FGF14: variants seen among roughly 807,000 people sequenced by gnomAD.
The protein encoded by FGF14 is fibroblast growth factor homologous factor 4.
In FGF14, 5 loss-of-function variants were observed where a neutral mutation model predicts 25.5. That is an observed-to-expected ratio of 0.20 (90% CI 0.10 to 0.41). The LOEUF is 0.41. Ranked by LOEUF, FGF14 falls within the 10% of genes least tolerant of loss-of-function variation. FGF14 has a pLI of 1.00. For synonymous variants in FGF14, 138 were observed against 118.3 expected (o/e 1.17, Z -1.08); for missense variants, 222 against 320.1 (o/e 0.69, Z 2.34).
At position 102,049,735 on chromosome 13, in the gene FGF14, A is replaced by G. The variant is rs536607163; in HGVS notation, c.209-174439T>C. 2.6e-5 allele frequency among the ~76,000 whole-genome samples: 4 copies of G among 152,212 alleles called. No homozygotes were observed. The South Asian group carries it at 8.3e-4, about 32-fold the overall frequency. On this transcript the variant is annotated intron_variant, in intron 1 of 4. Transcript: ENST00000376131. ...GCATCCTTATAAAAAGGGGAAATTT[A>G]CACACACGCACCCCCCCACACACAA...
chr13:101,815,864 G>C (rs1260193844), intron 3 of FGF14, among the ~76,000 whole-genome samples: 1 of 152,046 alleles, frequency 6.6e-6, no homozygotes, highest in East Asian at 1.9e-4. Flanking sequence ...GTGGGTGATG[G>C]GTATAAGCAA....
At chr13:101,742,524 C>G (rs973069143) in intron 3 of FGF14, among the ~76,000 whole-genome samples, 1 of 152,124 alleles carries the variant, frequency 6.6e-6, no homozygotes, top group Non-Finnish European at 1.5e-5. Context: ...CAGCATCTTA[C>G]TAACAACTGT....
At chr13:101,767,921 G>C (rs2038509840) in intron 3 of FGF14, among the ~76,000 whole-genome samples, 1 of 152,126 alleles carries the variant, frequency 6.6e-6, no homozygotes, top group African/African-American at 2.4e-5. Context: ...AAGTACTTTT[G>C]AATACAGAGC....
intron 1 of FGF14, among the ~76,000 whole-genome samples, chr13:102,330,005 C>T (rs1056088153): frequency 6.6e-6 from 1 of 152,134 alleles, no homozygotes; most frequent in Non-Finnish European, 1.5e-5. Context: ...AAAGTTAAAC[C>T]CGCAATCGTG....
chr13:101,886,075 A>G (rs558470571), intron 1 of FGF14, among the ~76,000 whole-genome samples: 1 of 152,208 alleles, frequency 6.6e-6, no homozygotes, highest in Non-Finnish European at 1.5e-5. Flanking sequence ...ATCCAAATCT[A>G]CTAGGAAGTT....
chr13:102,159,063 C>T (rs2047498194), intron 1 of FGF14, among the ~76,000 whole-genome samples: 1 of 149,690 alleles, frequency 6.7e-6, no homozygotes, highest in Non-Finnish European at 1.5e-5. Context: ...TCACTTGAAC[C>T]CAGGGGATGG....
chr13:101,862,130 C>A (rs956637973), intron 3 of FGF14, among the ~76,000 whole-genome samples: 10 of 152,002 alleles, frequency 6.6e-5, no homozygotes, highest in African/African-American at 2.4e-4. Flanking sequence ...TTCTACACCA[C>A]GTAGAAAGTT....
At position 102,205,984 on chromosome 13, in the gene FGF14, TAAAAAAAAAAAAAAAAAAAAAAAAAA is replaced by T. The variant is rs36108366; in HGVS notation, c.208+195461_208+195486del. Among the ~76,000 whole-genome samples, 467 of 47,426 alleles carry T rather than the reference TAAAAAAAAAAAAAAAAAAAAAAAAAA, an allele frequency of 9.8e-3. 28 individuals carry two copies. Among genetic ancestry groups the T allele is most frequent in the East Asian group, 0.02 (21 of 1,058 alleles). The allele number at this position is 47,426 out of a possible 152,430, so 31.1% of individuals were successfully genotyped here. On this transcript the variant is annotated intron_variant, in intron 1 of 4. Transcript: ENST00000376131. ...AGGTAGCTCAAGAAGCTCCCTGTGG[TAAAAAAAAAAAAAAAAAAAAAAAAAA>T]AAAAAAAAAAAAAAAAAAAAAAAAG...
chr13:102,011,849 A>C (rs2040098764), intron 1 of FGF14, among the ~76,000 whole-genome samples: 1 of 152,176 alleles, frequency 6.6e-6, no homozygotes, highest in African/African-American at 2.4e-5. Context: ...CTGCCAAGGA[A>C]ATATTTTCCC....
At chr13:102,147,941 A>G (rs2046921032) in intron 1 of FGF14, among the ~76,000 whole-genome samples, 2 of 152,210 alleles carry the variant, frequency 1.3e-5, no homozygotes, top group Non-Finnish European at 2.9e-5. Flanking sequence ...ACACACACAT[A>G]AGTAATAATT....
chr13:102,310,651 T>C (rs972301183), intron 1 of FGF14, among the ~76,000 whole-genome samples: 1 of 45,782 alleles, frequency 2.2e-5, no homozygotes, highest in East Asian at 6.5e-4. Flanking sequence ...CTCTTCCCGT[T>C]TCTCTCTCTC....
intron 1 of FGF14, among the ~76,000 whole-genome samples, chr13:102,020,431 C>T (rs1043875887): frequency 1.4e-4 from 22 of 151,992 alleles, no homozygotes; most frequent in African/African-American, 5.1e-4. Flanking sequence ...GCCTGTAATC[C>T]CAGCTACTTG....
At chr13:102,259,706 G>GT (rs1392130007) in intron 1 of FGF14, among the ~76,000 whole-genome samples, 1 of 152,090 alleles carries the variant, frequency 6.6e-6, no homozygotes, top group East Asian at 1.9e-4. Context: ...CGCCACATAT[G>GT]TTTTTTATAT....
At chr13:101,818,118 G>A (rs1262917514) in intron 3 of FGF14, among the ~76,000 whole-genome samples, 1 of 152,186 alleles carries the variant, frequency 6.6e-6, no homozygotes, top group East Asian at 1.9e-4. Context: ...AACAGAGGGA[G>A]AAATACCTGC....
intron 1 of FGF14, among the ~76,000 whole-genome samples, chr13:102,148,491 T>C (rs2074019406): frequency 6.6e-6 from 1 of 152,178 alleles, no homozygotes; most frequent in Non-Finnish European, 1.5e-5. Context: ...CAAAGTTTCC[T>C]GAGGTTCAAT....
intron 1 of FGF14, among the ~76,000 whole-genome samples, chr13:102,216,802 C>T (rs1428595205): frequency 6.6e-6 from 1 of 151,964 alleles, no homozygotes; most frequent in Non-Finnish European, 1.5e-5. Context: ...TTTTCACCAT[C>T]CTCTTCCTCC....
At chr13:102,292,715 T>C (rs899213151) in intron 1 of FGF14, 2 of 152,158 alleles carry the variant, frequency 1.3e-5, no homozygotes, top group Non-Finnish European at 2.9e-5. Flanking sequence ...ATGAATACAG[T>C]TTTTAAAATA....
chr13:102,275,237 T>TCTCTCTCTCTCTCC (rs1370343555), intron 1 of FGF14, among the ~76,000 whole-genome samples: 2 of 89,838 alleles, frequency 2.2e-5, no homozygotes, highest in African/African-American at 5.5e-5. Context: ...GGCAGATTTC[T>TCTCTCTCTCTCTCC]CTCTCTCTCT....
At chr13:102,280,907 G>A (rs1262049225) in intron 1 of FGF14, among the ~76,000 whole-genome samples, 2 of 152,196 alleles carry the variant, frequency 1.3e-5, no homozygotes, top group Non-Finnish European at 2.9e-5. Context: ...GGTCAACTCT[G>A]TGTACATTTC....
Sources: allele counts gnomAD v4.1 joint callset (sites outside exome capture counted in the v4.1 genomes callset), GRCh38; gene constraint gnomAD v4.1.1; transcripts MANE v1.5; gene names NCBI Gene and HGNC (gene_info 2026-07-23, HGNC 2026-07-21).